Variants in FGF12 observed in about 807,000 individuals in gnomAD.
The protein encoded by FGF12 is fibroblast growth factor 12B.
Under a neutral mutation model 23.6 loss-of-function variants are expected in FGF12, and 14 were observed. The ratio of observed to expected loss-of-function variants is 0.59; its 90% CI spans 0.39 to 0.93. FGF12 has a LOEUF of 0.93. FGF12 is among the 40% of genes least tolerant of loss of function. The pLI, the probability that FGF12 is intolerant of heterozygous loss-of-function variation, is 0.00. For synonymous variants in FGF12, 62 were observed against 77.3 expected, an observed-to-expected ratio of 0.80 and a Z score of 1.04; for missense variants, 175 against 217.8, an observed-to-expected ratio of 0.80 and a Z score of 1.24.
At chr3:192,305,864 T>TTG (rs1050556851) in intron 4 of FGF12, among the ~76,000 whole-genome samples, 5 of 130,388 alleles carry the variant, frequency 3.8e-5, no homozygotes, top group Non-Finnish European at 8.1e-5. Context: ...GTTTTTTTTT[T>TTG]TTTTTTTTTT....
At position 192,333,649 on chromosome 3, in the gene FGF12, A is replaced by C. The variant is rs1019616466; in HGVS notation, c.228+1712T>G. 8.5e-5 allele frequency among the ~76,000 whole-genome samples: 13 copies of C among 152,266 alleles called. No homozygotes were observed. In the East Asian group the frequency reaches 2.5e-3, roughly 29 times the overall value. ...TCTGAATATTTTCAGGAGTAAAAAA[A>C]ATAATTGTAATACAAATGACAGATG... On this transcript the variant is annotated intron_variant, in intron 4 of 5. Transcript: ENST00000445105.
chr3:192,692,582 T>C (rs945212028), intron 2 of FGF12, among the ~76,000 whole-genome samples: 2 of 151,902 alleles, frequency 1.3e-5, no homozygotes, highest in Non-Finnish European at 2.9e-5. Context: ...GTGTGGTTCC[T>C]GTGGTCCTGG....
rs577273253 is a variant in FGF12 at position 192,414,283 on chromosome 3, G to A, written c.14-53745C>T. ...TCCTTACAACAACTCTATGAGGTAA[G>A]TTCTGTCATATCGCCATTTTATAAA... On this transcript the variant is annotated intron_variant, in intron 2 of 5. Transcript: ENST00000445105. Among the ~76,000 whole-genome samples the A allele has an allele frequency of 2.0e-4, 30 of 152,310 alleles. 1 individual carries two copies. In the South Asian group the frequency reaches 6.0e-3, roughly 30 times the overall value.
intron 4 of FGF12, among the ~76,000 whole-genome samples, chr3:192,280,408 ATATAT>A (rs1167075702): frequency 7.2e-5 from 11 of 152,106 alleles, no homozygotes; most frequent in African/African-American, 2.7e-4. Flanking sequence ...TTCTCTCCAT[ATATAT>A]TATAATTATC....
At chr3:192,301,607 T>G (rs943295485) in intron 4 of FGF12, among the ~76,000 whole-genome samples, 3 of 152,126 alleles carry the variant, frequency 2.0e-5, no homozygotes, top group Non-Finnish European at 4.4e-5. Context: ...AACAAAGGCA[T>G]GCATAGTCTC....
intron 2 of FGF12, among the ~76,000 whole-genome samples, chr3:192,682,851 A>G (rs1421228784): frequency 2.0e-5 from 3 of 152,170 alleles, no homozygotes; most frequent in East Asian, 3.9e-4. Context: ...CATGTGGCCA[A>G]TGACTCAATC....
At chr3:192,192,255 C>G (rs1219249715) in intron 4 of FGF12, among the ~76,000 whole-genome samples, 1 of 151,970 alleles carries the variant, frequency 6.6e-6, no homozygotes, top group African/African-American at 2.4e-5. Context: ...AACTATTTAG[C>G]TGTTGATTAT....
intron 4 of FGF12, among the ~76,000 whole-genome samples, chr3:192,310,270 G>A (rs1715864912): frequency 1.3e-5 from 2 of 152,150 alleles, no homozygotes; most frequent in Non-Finnish European, 2.9e-5. Context: ...GAAGACACAT[G>A]TTGCCCCTCA....
chr3:192,333,068 A>G (rs530761780), intron 4 of FGF12, among the ~76,000 whole-genome samples: 1 of 151,936 alleles, frequency 6.6e-6, no homozygotes, highest in East Asian at 1.9e-4. Context: ...CAAGATTCCC[A>G]CCCCCTCGTA....
chr3:192,488,776 C>T (rs1723713142), intron 2 of FGF12, among the ~76,000 whole-genome samples: 1 of 151,998 alleles, frequency 6.6e-6, no homozygotes, highest in East Asian at 1.9e-4. Flanking sequence ...AAAAGAACCT[C>T]AAGAACTTCA....
intron 4 of FGF12, among the ~76,000 whole-genome samples, chr3:192,333,471 T>C (rs1472097114): frequency 6.6e-6 from 1 of 152,122 alleles, no homozygotes; most frequent in East Asian, 1.9e-4. Context: ...AACTGGACAT[T>C]AAGAATTGTT....
At position 192,660,897 on chromosome 3, in the gene FGF12, C is replaced by CA. The variant is rs910951108; in HGVS notation, c.13+66283dup. 1.6e-4 allele frequency among the ~76,000 whole-genome samples: 18 copies of CA among 110,704 alleles called. No individual in the cohort carries two copies. The East Asian group carries it at 1.7e-3, about 10-fold the overall frequency. 72.6% of individuals were successfully genotyped at this position (110,704 alleles called of 152,430 possible). A position where few individuals can be genotyped will look rare whatever the true frequency, so the allele number is the denominator to read the frequency against. Reference sequence around the variant, plus strand: ...TAAACATTTGGGGGTGGGGGTGGGGCAAAAAAAAAGCACAGGCTGGACACA... The same window carrying CA: ...TAAACATTTGGGGGTGGGGGTGGGGCAAAAAAAAAAGCACAGGCTGGACACA... On this transcript the variant is annotated intron_variant, in intron 2 of 5. Coordinates refer to ENST00000445105, the MANE Select transcript of FGF12 (RefSeq NM_004113.6).
At chr3:192,167,999 T>G (rs1255104796) in intron 5 of FGF12, among the ~76,000 whole-genome samples, 1 of 151,490 alleles carries the variant, frequency 6.6e-6, no homozygotes, top group Non-Finnish European at 1.5e-5. Context: ...ACTCCTGACC[T>G]CGTGATCCGC....
chr3:192,233,198 C>A (rs1415758074), intron 4 of FGF12, among the ~76,000 whole-genome samples: 1 of 152,158 alleles, frequency 6.6e-6, no homozygotes, highest in Non-Finnish European at 1.5e-5. Flanking sequence ...CTTTTTTCCA[C>A]AACCCCACCA....
intron 2 of FGF12, among the ~76,000 whole-genome samples, chr3:192,671,472 C>T (rs1416165222): frequency 1.3e-5 from 2 of 152,100 alleles, no homozygotes; most frequent in East Asian, 1.9e-4. Context: ...CTCTAATCAC[C>T]AGTTTTCTAG....
chr3:192,149,315 C>T (rs866091133), intron 5 of FGF12, among the ~76,000 whole-genome samples: 49 of 151,520 alleles, frequency 3.2e-4, no homozygotes, highest in African/African-American at 1.1e-3. Flanking sequence ...GCATTTGAAC[C>T]TTTTTTTTAT....
chr3:192,594,852 T>C (rs960427142), intron 2 of FGF12, among the ~76,000 whole-genome samples: 58 of 152,078 alleles, frequency 3.8e-4, no homozygotes, highest in African/African-American at 1.3e-3. Flanking sequence ...GAATCTGTGA[T>C]ATTCTGTTAC....
chr3:192,308,480 C>G (rs2108668085), intron 4 of FGF12, among the ~76,000 whole-genome samples: 1 of 152,166 alleles, frequency 6.6e-6, no homozygotes, highest in Non-Finnish European at 1.5e-5. Context: ...GAATTTGAGA[C>G]CAGCCTGACC....
At chr3:192,323,573 T>C (rs1716658997) in intron 4 of FGF12, among the ~76,000 whole-genome samples, 2 of 152,094 alleles carry the variant, frequency 1.3e-5, no homozygotes, top group South Asian at 2.1e-4. Flanking sequence ...AAGGGGGACA[T>C]GGGGAGTAGG....
Sources: gnomAD v4.1 joint callset for allele counts (sites outside exome capture counted in the v4.1 genomes callset) on GRCh38, gnomAD v4.1.1 for gene constraint, MANE v1.5 for transcripts, NCBI Gene and HGNC (gene_info 2026-07-23, HGNC 2026-07-21) for gene names.